The following SYCE3 variants were observed in gnomAD, a reference collection of about 807,000 sequenced individuals.
The protein encoded by SYCE3 is testis highly expressed gene 2 protein.
A neutral mutation model predicts 8.1 loss-of-function variants in SYCE3; 3 were observed. The ratio of observed to expected loss-of-function variants is 0.37; its 90% CI spans 0.17 to 0.96. The LOEUF (loss-of-function observed/expected upper bound fraction) is 0.96, where lower values mean the gene tolerates loss of function less well. Among genes scored for constraint, SYCE3 ranks in the 40% least tolerant of loss-of-function variants. The probability of loss-of-function intolerance (pLI) is 0.41; values close to 1 mark genes in which losing one functional copy is unlikely to be tolerated. For synonymous variants in SYCE3, 36 were observed against 38.7 expected, an observed-to-expected ratio of 0.93 and a Z score of 0.26; for missense variants, 83 against 110.0, an observed-to-expected ratio of 0.75 and a Z score of 1.10.
At position 50,555,365 on chromosome 22, in the gene SYCE3, G is replaced by A. The variant is rs368487337; in HGVS notation, c.109+932C>T. Among the ~76,000 whole-genome samples the A allele has an allele frequency of 9.2e-5, 14 of 152,234 alleles. No homozygotes were observed. In the South Asian group the frequency reaches 2.9e-3, roughly 32 times the overall value. ...TAGTGAATAAAAGCTATTTGGCCAG[G>A]CACGCTGGCTCATACCTGTAATCCC... On this transcript the variant is annotated intron_variant, in intron 2 of 2. Coordinates refer to ENST00000406915, the MANE Select transcript of SYCE3 (RefSeq NM_001123225.3).
chr22:50,560,753 C>T (rs140518), intron 1 of SYCE3, among the ~76,000 whole-genome samples: 106,922 of 151,888 alleles, frequency 0.7, 38,065 homozygotes, highest in East Asian at 0.98. Context: ...GAAGAAAGGG[C>T]AACTGATGGT....
chr22:50,552,789 A>G (rs1173941739), intron 2 of SYCE3, among the ~76,000 whole-genome samples: 3 of 152,212 alleles, frequency 2.0e-5, no homozygotes, highest in Non-Finnish European at 4.4e-5. Context: ...TCTTTTGGAG[A>G]TGATTAGGTC....
chr22:50,552,633 A>C (rs962689268), intron 2 of SYCE3, among the ~76,000 whole-genome samples: 3 of 151,982 alleles, frequency 2.0e-5, no homozygotes, highest in African/African-American at 7.3e-5. Flanking sequence ...ATCTTTGGAG[A>C]CCCTACCAAT....
intron 1 of SYCE3, among the ~76,000 whole-genome samples, chr22:50,558,583 C>T (rs181717187): frequency 3.3e-5 from 5 of 152,270 alleles, no homozygotes; most frequent in Non-Finnish European, 5.9e-5. Context: ...TATGGTCTTT[C>T]GGGATCTGTA....
chr22:50,555,950 C>G (rs1412389387), intron 2 of SYCE3, among the ~76,000 whole-genome samples: 1 of 152,024 alleles, frequency 6.6e-6, no homozygotes, highest in Non-Finnish European at 1.5e-5. Flanking sequence ...CCTGCCACCA[C>G]ACCCAGCTAA....
chr22:50,555,633 C>T (rs984669464), intron 2 of SYCE3, among the ~76,000 whole-genome samples: 1 of 152,140 alleles, frequency 6.6e-6, no homozygotes, highest in African/African-American at 2.4e-5. Context: ...CTCCACAACC[C>T]CTTACCGTCA....
At chr22:50,553,512 T>C (rs2069830094) in intron 2 of SYCE3, among the ~76,000 whole-genome samples, 1 of 152,170 alleles carries the variant, frequency 6.6e-6, no homozygotes, top group South Asian at 2.1e-4. Flanking sequence ...TCATTTGGCA[T>C]CGCACTGGGC....
At chr22:50,560,731 C>A (rs1214987701) in intron 1 of SYCE3, among the ~76,000 whole-genome samples, 1 of 151,818 alleles carries the variant, frequency 6.6e-6, no homozygotes, top group Non-Finnish European at 1.5e-5. Context: ...GACAGAAAAG[C>A]CTGAAGAATC....
In SYCE3 at chr22:50,556,290, A is replaced by G. The variant is rs932078031; in HGVS notation, c.109+7T>C. The G allele has an allele frequency of 5.2e-6, 8 of 1,545,492 alleles. No individual in the cohort carries two copies. In the African/African-American group the frequency reaches 1.1e-4, roughly 21 times the overall value. On this transcript the variant is annotated splice_region_variant and intron_variant, in intron 2 of 2. Transcript: ENST00000406915. ...GTCTCAGATACTTTTGGGTTCACACATCCTACCTGAGATTTTCTCCATCTC... is the reference window on the plus strand; with the variant it reads ...GTCTCAGATACTTTTGGGTTCACACGTCCTACCTGAGATTTTCTCCATCTC...
chr22:50,555,317 G>A lies in SYCE3; in HGVS notation c.109+980C>T, dbSNP rs185908472. The stretch of plus-strand genomic sequence containing the variant: ...GCAAAAAATTGCAAACATTTCTAAG[G>A]AGAAATTTTCTAAAGTCTGCTCTAG... On this transcript the variant is annotated intron_variant, in intron 2 of 2. Transcript: ENST00000406915. Among the ~76,000 whole-genome samples, 227 of 152,124 alleles carry A rather than the reference G, an allele frequency of 1.5e-3. 1 individual carries two copies. Among genetic ancestry groups the A allele is most frequent in the African/African-American group, 5.0e-3 (208 of 41,500 alleles).
intron 1 of SYCE3, among the ~76,000 whole-genome samples, chr22:50,558,657 A>T (rs929489402): frequency 6.6e-6 from 1 of 152,096 alleles, no homozygotes; most frequent in Non-Finnish European, 1.5e-5. Context: ...GCTTTTTGGT[A>T]AGTAGGAATA....
intron 1 of SYCE3, among the ~76,000 whole-genome samples, chr22:50,558,898 G>A (rs2069886626): frequency 6.6e-6 from 1 of 152,108 alleles, no homozygotes; most frequent in Admixed American, 6.6e-5. Context: ...AGTCATAACT[G>A]GCACACCCAG....
chr22:50,556,473 T>C (rs769682823), intron 1 of SYCE3, 68 bp from the exon 2 acceptor site: 49 of 1,093,912 alleles, frequency 4.5e-5, no homozygotes, highest in Admixed American at 2.8e-4. Context: ...CCACTGGTTA[T>C]AACTCAGTGA....
intron 1 of SYCE3, 71 bp from the exon 2 acceptor site, chr22:50,556,476 C>G (rs2069861245): frequency 6.6e-6 from 7 of 1,066,350 alleles, no homozygotes; most frequent in Non-Finnish European, 9.7e-6. Flanking sequence ...CTGGTTATAA[C>G]TCAGTGATTT....
intron 2 of SYCE3, 135 bp from the exon 3 acceptor site, chr22:50,551,537 G>T: frequency 2.2e-6 from 2 of 890,306 alleles, no homozygotes; most frequent in Non-Finnish European, 3.3e-6. Context: ...AATTACTCTA[G>T]GGAGAGACAG....
chr22:50,559,417 A>C (rs968262147), intron 1 of SYCE3, among the ~76,000 whole-genome samples: 1 of 152,174 alleles, frequency 6.6e-6, no homozygotes, highest in Non-Finnish European at 1.5e-5. Context: ...GTGAGCCACT[A>C]TGCCTGGCCA....
intron 1 of SYCE3, among the ~76,000 whole-genome samples, chr22:50,561,541 A>G (rs1306289008): frequency 1.6e-4 from 6 of 37,798 alleles, no homozygotes; most frequent in African/African-American, 4.9e-4. Context: ...GGGCGGGAGG[A>G]GTGTGGGGCG....
chr22:50,558,846 C>T (rs1277028677), intron 1 of SYCE3, among the ~76,000 whole-genome samples: 2 of 152,232 alleles, frequency 1.3e-5, no homozygotes, highest in Non-Finnish European at 2.9e-5. Context: ...CCACTGTCAT[C>T]TGGCATCTGT....
intron 1 of SYCE3, among the ~76,000 whole-genome samples, chr22:50,559,107 C>T (rs1441466977): frequency 6.6e-6 from 1 of 151,866 alleles, no homozygotes; most frequent in Admixed American, 6.6e-5. Flanking sequence ...CTTTTAGCCC[C>T]TTCTCTTCTC....
Sources: gnomAD v4.1 joint callset for allele counts (sites outside exome capture counted in the v4.1 genomes callset) on GRCh38, gnomAD v4.1.1 for gene constraint, MANE v1.5 for transcripts, NCBI Gene and HGNC (gene_info 2026-07-23, HGNC 2026-07-21) for gene names.